The following METTL4 variants were observed in gnomAD, a reference collection of about 807,000 sequenced individuals.
METTL4 encodes the protein methyltransferase 4, N6-adenosine.
Under a neutral mutation model 54.0 loss-of-function variants are expected in METTL4, and 40 were observed. That is an observed-to-expected ratio of 0.74 (90% CI 0.58 to 0.96). METTL4 has a LOEUF of 0.96. Ranked by LOEUF, METTL4 falls within the 50% of genes least tolerant of loss-of-function variation. The pLI is 0.00. For synonymous variants in METTL4, 169 were observed against 183.8 expected (o/e 0.92, Z 0.65); for missense variants, 525 against 549.0 (o/e 0.96, Z 0.44).
In METTL4 at chr18:2,539,482, A is replaced by AAT. The variant is rs1331626503; in HGVS notation, c.1274-338_1274-337insAT. On this transcript the variant is annotated intron_variant, in intron 8 of 8. Coordinates refer to ENST00000574538, the MANE Select transcript of METTL4 (RefSeq NM_022840.5). ...CCTGAGTATTAACTTTATTTATTTA[A>AAT]TTTTTTTTTTTTTTTTGAGACAAGA... 1.7e-3 allele frequency among the ~76,000 whole-genome samples: 169 copies of AAT among 101,494 alleles called. 1 individual carries two copies. Among genetic ancestry groups the AAT allele is most frequent in the East Asian group, 6.2e-3 (21 of 3,408 alleles). The allele number at this position is 101,494 out of a possible 152,430, so 66.6% of individuals were successfully genotyped here.
chr18:2,549,846 T>C (rs1598346323), intron 5 of METTL4, among the ~76,000 whole-genome samples: 1 of 113,170 alleles, frequency 8.8e-6, no homozygotes, highest in Non-Finnish European at 1.9e-5. Context: ...AAAAAAAAAT[T>C]AGCCGGGTGT....
intron 1 of METTL4, among the ~76,000 whole-genome samples, chr18:2,570,105 A>C (rs1219329102): frequency 1.3e-5 from 2 of 152,222 alleles, no homozygotes; most frequent in African/African-American, 4.8e-5. Flanking sequence ...CTTTTCCTGC[A>C]ATTGTGCTTG....
At chr18:2,550,094 G>A (rs570898535) in intron 5 of METTL4, among the ~76,000 whole-genome samples, 16 of 152,228 alleles carry the variant, frequency 1.1e-4, no homozygotes, top group African/African-American at 3.1e-4. Flanking sequence ...TGCTCTTCCC[G>A]CAGACTAGTA....
At chr18:2,544,059 C>CTA (rs1288027607) in intron 8 of METTL4, 136 bp downstream of exon 8, 1 of 560,276 alleles carries the variant, frequency 1.8e-6, no homozygotes, top group African/African-American at 1.9e-5. Context: ...ATGAATTCTG[C>CTA]TATAAAGTTT....
At chr18:2,550,969 C>G (rs2072147109) in intron 5 of METTL4, among the ~76,000 whole-genome samples, 1 of 151,628 alleles carries the variant, frequency 6.6e-6, no homozygotes, top group Admixed American at 6.6e-5. Context: ...TCGAGACCAT[C>G]CTGGCTAACA....
At chr18:2,563,972 G>A in intron 2 of METTL4, 113 bp from the exon 3 acceptor site, 1 of 619,252 alleles carries the variant, frequency 1.6e-6, no homozygotes, top group Non-Finnish European at 2.7e-6. Context: ...ATAATTAATA[G>A]TAGTAATTGT....
intron 3 of METTL4, among the ~76,000 whole-genome samples, chr18:2,562,519 A>AC (rs2072336832): frequency 6.6e-6 from 1 of 152,262 alleles, no homozygotes; most frequent in Non-Finnish European, 1.5e-5. Flanking sequence ...TGTGGAAACA[A>AC]CCCAAATGAC....
intron 5 of METTL4, 50 bp from the exon 6 acceptor site, chr18:2,547,579 A>C: frequency 2.8e-6 from 4 of 1,436,580 alleles, no homozygotes; most frequent in Non-Finnish European, 3.8e-6. Flanking sequence ...CAAAAGAAGA[A>C]AACTAAGCAG....
chr18:2,563,986 C>A, intron 2 of METTL4, 127 bp from the exon 3 acceptor site: 1 of 582,674 alleles, frequency 1.7e-6, no homozygotes, highest in Non-Finnish European at 2.9e-6. Flanking sequence ...TAATTGTCTA[C>A]TGAGGTCAAA....
chr18:2,558,135 T>C (rs1181594602), intron 3 of METTL4, among the ~76,000 whole-genome samples: 1 of 152,172 alleles, frequency 6.6e-6, no homozygotes, highest in Non-Finnish European at 1.5e-5. Context: ...CATCTAACAA[T>C]TTTTGGAAAG....
At chr18:2,551,600 G>A (rs1193534733) in intron 5 of METTL4, among the ~76,000 whole-genome samples, 5 of 152,082 alleles carry the variant, frequency 3.3e-5, no homozygotes, top group Non-Finnish European at 7.4e-5. Flanking sequence ...AGGAGGCTTA[G>A]GCAGCAGGCA....
chr18:2,558,636 AC>A (rs763559010), intron 3 of METTL4, among the ~76,000 whole-genome samples: 2 of 120,678 alleles, frequency 1.7e-5, no homozygotes, highest in African/African-American at 3.0e-5. Context: ...ATAAAAAAAA[AC>A]ACAGAAGTCA....
In METTL4 at chr18:2,558,590, T is replaced by C. The variant is rs182594709; in HGVS notation, c.460-3552A>G. Among the ~76,000 whole-genome samples, 174 of 150,296 alleles carry C rather than the reference T, an allele frequency of 1.2e-3. 1 individual carries two copies. Among genetic ancestry groups the C allele is most frequent in the African/African-American group, 4.1e-3 (169 of 40,974 alleles). ...CCAAGAAAATTAAAAATTAAAAAAG[T>C]TAGAAAAAGAAGAGCAAAGTAAACC... On this transcript the variant is annotated intron_variant, in intron 3 of 8. Transcript: ENST00000574538.
At chr18:2,552,632 T>G in intron 5 of METTL4, 63 bp downstream of exon 5, 1 of 1,049,648 alleles carries the variant, frequency 9.5e-7, no homozygotes. Context: ...AATAGTATAT[T>G]AAACTATAAT....
At chr18:2,549,080 TCATA>T (rs1462310504) in intron 5 of METTL4, among the ~76,000 whole-genome samples, 1 of 152,184 alleles carries the variant, frequency 6.6e-6, no homozygotes, top group Non-Finnish European at 1.5e-5. Context: ...TAAAGTTAAC[TCATA>T]CATCAGTAAA....
rs758054815 is a variant in METTL4 at position 2,566,885 on chromosome 18, C to T, written c.332G>A (p.Ser111Asn). Residue 111 changes from serine to asparagine, a missense_variant, in exon 2 of 9, where the codon AGT (serine) becomes AAT (asparagine). Transcript: ENST00000574538. ...ATTCATCAGATCTTCCTTTTCATTA[C>T]TTTGCTGGCATTCTTTATGAACAGC... ...TPAVHKECQQ[S>N]NEKEDLMNGV... The T allele has an allele frequency of 1.9e-6, 3 of 1,610,880 alleles. No individual in the cohort carries two copies. Among genetic ancestry groups the T allele is most frequent in the East Asian group, 2.2e-5 (1 of 44,712 alleles).
At position 2,569,674 on chromosome 18, in the gene METTL4, G is replaced by C. The variant is rs7227863; in HGVS notation, c.-439+1475C>G. Among the ~76,000 whole-genome samples, 565 of 152,246 alleles carry C rather than the reference G, an allele frequency of 3.7e-3. 2 individuals carry two copies. The highest frequency in any genetic ancestry group is 0.013 in the African/African-American group (550 of 41,538). On this transcript the variant is annotated intron_variant, in intron 1 of 8. Coordinates refer to ENST00000574538, the MANE Select transcript of METTL4 (RefSeq NM_022840.5). ...CACTCCCACCCTTGGCCAAAGCACA[G>C]ATCATAAGCCCTCTGCTCCGCTCCC...
intron 6 of METTL4, among the ~76,000 whole-genome samples, chr18:2,546,605 C>T (rs1283742023): frequency 6.6e-6 from 1 of 152,074 alleles, no homozygotes; most frequent in Non-Finnish European, 1.5e-5. Flanking sequence ...GCAATATAAA[C>T]ATTAAACACT....
chr18:2,540,726 T>C (rs1423266063), intron 8 of METTL4: 6 of 985,434 alleles, frequency 6.1e-6, no homozygotes, highest in Admixed American at 6.1e-5. Context: ...GGAAGAACTT[T>C]TCCATTTTCT....
Sources: gnomAD v4.1 joint callset for allele counts (sites outside exome capture counted in the v4.1 genomes callset) on GRCh38, gnomAD v4.1.1 for gene constraint, MANE v1.5 for transcripts, NCBI Gene and HGNC (gene_info 2026-07-23, HGNC 2026-07-21) for gene names.